The following THSD4 variants were observed in gnomAD, a reference collection of about 807,000 sequenced individuals.
The protein encoded by THSD4 is thrombospondin type-1 domain-containing protein 4.
THSD4 carries 69 observed loss-of-function variants against 119.0 expected under a neutral mutation model. The ratio of observed to expected loss-of-function variants is 0.58; its 90% CI spans 0.48 to 0.71. THSD4 has a LOEUF of 0.71. THSD4 is among the 30% of genes least tolerant of loss of function. The probability of loss-of-function intolerance (pLI) is 0.00; values close to 1 mark genes in which losing one functional copy is unlikely to be tolerated. For synonymous variants in THSD4, 524 were observed against 540.4 expected (o/e 0.97, Z 0.42); for missense variants, 1,393 against 1,391.1 (o/e 1.00, Z -0.02).
intron 3 of THSD4, chr15:71,165,293 G>A: frequency 6.3e-7 from 1 of 1,591,518 alleles, no homozygotes; most frequent in East Asian, 2.2e-5. Flanking sequence ...GCACTTCTTA[G>A]AAAACTCTTG....
intron 6 of THSD4, among the ~76,000 whole-genome samples, chr15:71,344,059 G>A (rs2045619405): frequency 8.0e-6 from 1 of 124,672 alleles, no homozygotes; most frequent in Non-Finnish European, 1.7e-5. Flanking sequence ...TTTTTTTTGA[G>A]ACAGAGTCTC....
At position 71,242,975 on chromosome 15, in the gene THSD4, A is replaced by G. The variant is rs2044166564; in HGVS notation, c.791A>G (p.Glu264Gly). 2 of 1,614,120 alleles carry G rather than the reference A, an allele frequency of 1.2e-6. No individual in the cohort carries two copies. Among genetic ancestry groups the G allele is most frequent in the African/African-American group, 2.7e-5 (2 of 74,950 alleles). ...PAASSLFHSPETSNNHGVGTH... is the reference protein window; with the variant it reads ...PAASSLFHSPGTSNNHGVGTH... Reference sequence around the variant, plus strand: ...GCTTCAAGTCTCTTTCACAGCCCAGAAACAAGCAACAACCACGGTGTGGGG... The same window carrying G: ...GCTTCAAGTCTCTTTCACAGCCCAGGAACAAGCAACAACCACGGTGTGGGG... The change falls in exon 5 of 18, where the codon GAA becomes GGA. Residue 264 changes from glutamate (E) to glycine (G), a missense_variant. Coordinates refer to ENST00000261862, the MANE Select transcript of THSD4 (RefSeq NM_024817.3).
intron 1 of THSD4, among the ~76,000 whole-genome samples, chr15:71,138,951 G>A (rs577457112): frequency 6.6e-6 from 1 of 151,436 alleles, no homozygotes; most frequent in Admixed American, 6.6e-5. Flanking sequence ...ACAACCCTAT[G>A]AGGTAGTTAC....
At position 71,474,145 on chromosome 15, in the gene THSD4, T is replaced by C. The variant is rs1420814223; in HGVS notation, c.1152+62322T>C. 2.0e-5 allele frequency among the ~76,000 whole-genome samples: 3 copies of C among 152,318 alleles called. No homozygotes were observed. In the East Asian group the frequency reaches 5.8e-4, roughly 29 times the overall value. ...GTCACTGTTCATAGCCTCTTGTGCC[T>C]TTACAGGGACATTCTGCATTATTTG... is the stretch of plus-strand genomic sequence containing the variant. On this transcript the variant is annotated intron_variant, in intron 7 of 17. Coordinates refer to ENST00000261862, the MANE Select transcript of THSD4 (RefSeq NM_024817.3).
chr15:71,158,690 CA>C (rs950332157), intron 3 of THSD4, among the ~76,000 whole-genome samples: 89 of 150,902 alleles, frequency 5.9e-4, no homozygotes, highest in African/African-American at 2.1e-3. Context: ...AAGTTCCTTA[CA>C]TATTCTGGAT....
chr15:71,679,890 C>A (rs963110954), intron 8 of THSD4, among the ~76,000 whole-genome samples: 4 of 152,182 alleles, frequency 2.6e-5, no homozygotes, highest in Admixed American at 1.3e-4. Context: ...AAGGATACTG[C>A]TATGTCAGTG....
intron 7 of THSD4, among the ~76,000 whole-genome samples, chr15:71,493,330 T>C (rs1030024790): frequency 1.3e-5 from 2 of 152,246 alleles, no homozygotes; most frequent in African/African-American, 4.8e-5. Flanking sequence ...CTCACTCTTA[T>C]ATTTCTTTGA....
chr15:71,662,202 C>T (rs562232847), intron 8 of THSD4, among the ~76,000 whole-genome samples: 1 of 152,236 alleles, frequency 6.6e-6, no homozygotes, highest in African/African-American at 2.4e-5. Flanking sequence ...CTCGGGAACT[C>T]CATATTCTAC....
intron 7 of THSD4, among the ~76,000 whole-genome samples, chr15:71,608,955 G>A (rs1400535671): frequency 2.6e-5 from 4 of 152,152 alleles, no homozygotes; most frequent in Admixed American, 2.6e-4. Flanking sequence ...AACTCAAGAG[G>A]ACATCAGTCT....
intron 6 of THSD4, among the ~76,000 whole-genome samples, chr15:71,396,947 G>T (rs1281804706): frequency 6.6e-6 from 1 of 152,210 alleles, no homozygotes; most frequent in Admixed American, 6.5e-5. Flanking sequence ...ATGAAACTAT[G>T]TGTCTAGGAA....
intron 6 of THSD4, among the ~76,000 whole-genome samples, chr15:71,308,309 G>A (rs777367109): frequency 5.3e-5 from 8 of 152,102 alleles, no homozygotes; most frequent in Admixed American, 1.3e-4. Context: ...CTGCCTACTC[G>A]GGTTTAACTT....
At chr15:71,611,427 A>T (rs1501415) in intron 7 of THSD4, among the ~76,000 whole-genome samples, 1 of 151,988 alleles carries the variant, frequency 6.6e-6, no homozygotes, top group African/African-American at 2.4e-5. Context: ...GCCAGCCCCT[A>T]CCCCGGCAAA....
intron 7 of THSD4, among the ~76,000 whole-genome samples, chr15:71,602,589 A>T (rs2050034760): frequency 1.3e-5 from 2 of 150,362 alleles, no homozygotes; most frequent in African/African-American, 4.9e-5. Context: ...AATGAAAAAG[A>T]AAAACAGTCT....
chr15:71,660,612 A>G lies in THSD4; in HGVS notation c.1235A>G (p.Gln412Arg), dbSNP rs1452418600. 1 of 1,614,218 alleles carries G rather than the reference A, an allele frequency of 6.2e-7. No homozygotes were observed. Among genetic ancestry groups the G allele is most frequent in the South Asian group, 1.1e-5 (1 of 91,074 alleles). Residue 412 changes from glutamine (Q) to arginine (R), a missense_variant, in exon 8 of 18, where the codon CAG becomes CGG. Transcript: ENST00000261862. ...TGTGGAGGAGACAACACGGGCTGTC[A>G]GGTTGTGTCGGGCGTGTTTAAGCAT... ...GVCGGDNTGC[Q>R]VVSGVFKHAL...
intron 6 of THSD4, among the ~76,000 whole-genome samples, chr15:71,349,110 C>G (rs1053414760): frequency 5.3e-5 from 8 of 152,160 alleles, no homozygotes; most frequent in African/African-American, 1.9e-4. Context: ...CAGGAGCAAG[C>G]TGACCCAGCT....
At chr15:71,181,845 C>A (rs1202874657) in intron 3 of THSD4, among the ~76,000 whole-genome samples, 1 of 152,226 alleles carries the variant, frequency 6.6e-6, no homozygotes, top group Non-Finnish European at 1.5e-5. Context: ...GTTGTTAACT[C>A]TTGCCTCCTT....
intron 7 of THSD4, among the ~76,000 whole-genome samples, chr15:71,588,834 GAA>G (rs1274910599): frequency 1.3e-5 from 2 of 152,132 alleles, no homozygotes; most frequent in African/African-American, 4.8e-5. Flanking sequence ...CAGAGTGGGA[GAA>G]AAAGAGTGTT....
chr15:71,390,811 G>A (rs1018414309), intron 6 of THSD4, among the ~76,000 whole-genome samples: 4 of 150,734 alleles, frequency 2.7e-5, no homozygotes, highest in Admixed American at 6.6e-5. Flanking sequence ...CTCTTTTTCC[G>A]GGCTCCTCAA....
intron 6 of THSD4, among the ~76,000 whole-genome samples, chr15:71,304,882 A>G (rs1362780718): frequency 6.6e-6 from 1 of 152,264 alleles, no homozygotes; most frequent in Non-Finnish European, 1.5e-5. Flanking sequence ...TCATATTGTT[A>G]TGAAATAAAT....
Sources: allele counts gnomAD v4.1 joint callset (sites outside exome capture counted in the v4.1 genomes callset), GRCh38; gene constraint gnomAD v4.1.1; transcripts MANE v1.5; gene names NCBI Gene and HGNC (gene_info 2026-07-23, HGNC 2026-07-21).